SPTLC3: variants seen among roughly 807,000 people sequenced by gnomAD.
SPTLC3 encodes the protein serine palmitoyltransferase 3.
In SPTLC3, 36 loss-of-function variants were observed where a neutral mutation model predicts 59.3. That is an observed-to-expected ratio of 0.61 (90% CI 0.47 to 0.80). The LOEUF (loss-of-function observed/expected upper bound fraction) is 0.80. Ranked by LOEUF, SPTLC3 falls within the 30% of genes least tolerant of loss-of-function variation. SPTLC3 has a pLI of 0.00. For synonymous variants in SPTLC3, 257 were observed against 240.8 expected (o/e 1.07, Z -0.62); for missense variants, 625 against 685.1 (o/e 0.91, Z 0.98).
chr20:13,143,624 C>T (rs2038437799), intron 9 of SPTLC3, among the ~76,000 whole-genome samples: 1 of 152,168 alleles, frequency 6.6e-6, no homozygotes, highest in African/African-American at 2.4e-5. Context: ...GGGGCTTCCC[C>T]ATCAATTTTT....
chr20:13,086,653 A>C (rs6131438), intron 4 of SPTLC3, among the ~76,000 whole-genome samples: 72,750 of 152,042 alleles, frequency 0.48, 17,428 homozygotes, highest in East Asian at 0.52. Flanking sequence ...CATCTAGGAG[A>C]TACAAATCAC....
chr20:13,024,894 C>A (rs1600211643), intron 1 of SPTLC3, among the ~76,000 whole-genome samples: 1 of 152,246 alleles, frequency 6.6e-6, no homozygotes, highest in Admixed American at 6.5e-5. Flanking sequence ...TTTACAATTC[C>A]ACTCCATCCC....
Position 13,091,208 on chromosome 20 carries a change from G to A in SPTLC3, c.732+1G>A, listed in dbSNP as rs1568597455. 5.0e-6 allele frequency: 8 copies of A among 1,613,358 alleles called. No homozygotes were observed. Among genetic ancestry groups the A allele is most frequent in the Non-Finnish European group, 6.8e-6 (8 of 1,179,472 alleles). ...GAATATCCCAGCATTAGTTGGAAAG[G>A]TGAGAATTGTTAACCTAATTGTCTT... On this transcript the variant is annotated splice_donor_variant, in intron 5 of 11. Coordinates refer to ENST00000399002, the MANE Select transcript of SPTLC3 (RefSeq NM_018327.4). LOFTEE classifies it high-confidence loss of function.
At chr20:13,066,797 G>T (rs187236) in intron 2 of SPTLC3, among the ~76,000 whole-genome samples, 1 of 150,760 alleles carries the variant, frequency 6.6e-6, no homozygotes, top group African/African-American at 2.4e-5. Context: ...TTCCTCCTTA[G>T]TCTCCTTATT....
At chr20:13,083,727 G>A (rs1464763006) in intron 4 of SPTLC3, among the ~76,000 whole-genome samples, 1 of 152,058 alleles carries the variant, frequency 6.6e-6, no homozygotes, top group African/African-American at 2.4e-5. Context: ...TTCCCAACCT[G>A]GATTTCTATT....
At chr20:13,054,767 C>A in intron 2 of SPTLC3, among the ~76,000 whole-genome samples, 1 of 152,110 alleles carries the variant, frequency 6.6e-6, no homozygotes, top group African/African-American at 2.4e-5. Context: ...TGGAAAAAGT[C>A]TCAGTGGGAT....
chr20:13,069,070 A>G (rs560042153), intron 2 of SPTLC3, among the ~76,000 whole-genome samples: 2 of 152,296 alleles, frequency 1.3e-5, no homozygotes, highest in South Asian at 4.1e-4. Context: ...TGGGCTGGGA[A>G]GCCATGGGCT....
chr20:13,100,129 T>A (rs1989552609), intron 6 of SPTLC3, among the ~76,000 whole-genome samples: 1 of 152,198 alleles, frequency 6.6e-6, no homozygotes, highest in Non-Finnish European at 1.5e-5. Flanking sequence ...AAGCCAACTA[T>A]AAATGAATCA....
intron 4 of SPTLC3, 152 bp from the exon 5 acceptor site, chr20:13,090,931 G>A (rs1989191075): frequency 2.1e-6 from 2 of 942,528 alleles, no homozygotes; most frequent in East Asian, 2.6e-5. Context: ...TTGAATATTT[G>A]GGCTGTTTCT....
chr20:13,123,855 A>T (rs984098434), intron 8 of SPTLC3, among the ~76,000 whole-genome samples: 1 of 144,092 alleles, frequency 6.9e-6, no homozygotes, highest in Non-Finnish European at 1.5e-5. Flanking sequence ...GGACCCACCC[A>T]CCCACTCCTC....
chr20:13,164,256 C>A, intron 11 of SPTLC3: 1 of 442,542 alleles, frequency 2.3e-6, no homozygotes, highest in South Asian at 1.7e-5. Context: ...TTTTCTGGGA[C>A]ACAGAGATGA....
At chr20:13,136,373 G>T (rs889078069) in intron 9 of SPTLC3, among the ~76,000 whole-genome samples, 1 of 151,982 alleles carries the variant, frequency 6.6e-6, no homozygotes, top group Non-Finnish European at 1.5e-5. Context: ...AAGGCAGGTG[G>T]ATCACCCGAG....
intron 6 of SPTLC3, 57 bp from the exon 7 acceptor site, chr20:13,110,055 G>T: frequency 6.9e-7 from 1 of 1,442,340 alleles, no homozygotes; most frequent in Non-Finnish European, 9.4e-7. Flanking sequence ...AAAGAAAGTG[G>T]AAAAGGAAAA....
At chr20:13,069,275 G>C (rs1287727775) in intron 2 of SPTLC3, among the ~76,000 whole-genome samples, 1 of 152,092 alleles carries the variant, frequency 6.6e-6, no homozygotes, top group Non-Finnish European at 1.5e-5. Context: ...GTCCGAGGCT[G>C]ACCAGAGTTC....
chr20:13,025,390 C>A (rs1033055318), intron 1 of SPTLC3, among the ~76,000 whole-genome samples: 12 of 152,124 alleles, frequency 7.9e-5, no homozygotes, highest in African/African-American at 2.7e-4. Flanking sequence ...AACTTGGAAG[C>A]AGGATTTGAC....
intron 2 of SPTLC3, among the ~76,000 whole-genome samples, chr20:13,056,987 G>T (rs187700068): frequency 6.6e-6 from 1 of 151,772 alleles, no homozygotes; most frequent in East Asian, 1.9e-4. Flanking sequence ...TTATCTGCCT[G>T]CCTCAGCCTC....
intron 8 of SPTLC3, among the ~76,000 whole-genome samples, chr20:13,124,288 C>G (rs527319686): frequency 6.7e-6 from 1 of 149,800 alleles, no homozygotes; most frequent in South Asian, 2.1e-4. Context: ...TTGGTATATA[C>G]TTGCTGGAAG....
intron 4 of SPTLC3, among the ~76,000 whole-genome samples, chr20:13,083,131 C>T (rs1471901516): frequency 7.9e-5 from 12 of 152,190 alleles, no homozygotes; most frequent in Admixed American, 4.6e-4. Flanking sequence ...AACCTAAATA[C>T]GTGACCTGAC....
At chr20:13,089,363 C>T (rs145146547) in intron 4 of SPTLC3, among the ~76,000 whole-genome samples, 4 of 152,214 alleles carry the variant, frequency 2.6e-5, no homozygotes, top group South Asian at 4.1e-4. Flanking sequence ...TGAGGCAAGA[C>T]GCATGTGTAA....
Sources: allele counts gnomAD v4.1 joint callset (sites outside exome capture counted in the v4.1 genomes callset), GRCh38; gene constraint gnomAD v4.1.1; transcripts MANE v1.5; gene names NCBI Gene and HGNC (gene_info 2026-07-23, HGNC 2026-07-21).